VAT1L: variants seen among roughly 807,000 people sequenced by gnomAD.
VAT1L encodes the protein putative NADPH-dependent quinone oxidoreductase VAT1L.
Under a neutral mutation model 44.1 loss-of-function variants are expected in VAT1L, and 34 were observed. The ratio of observed to expected loss-of-function variants is 0.77; its 90% confidence interval spans 0.59 to 1.03. VAT1L has a LOEUF of 1.03. Ranked by LOEUF, VAT1L falls within the 50% of genes least tolerant of loss-of-function variation. The pLI, the probability that VAT1L is intolerant of heterozygous loss-of-function variation, is 0.00. For synonymous variants in VAT1L, 253 were observed against 202.2 expected, an observed-to-expected ratio of 1.25 and a Z score of -2.13; for missense variants, 615 against 538.8, an observed-to-expected ratio of 1.14 and a Z score of -1.40.
At chr16:77,819,941 T>C (rs1475680939) in intron 2 of VAT1L, among the ~76,000 whole-genome samples, 4 of 152,230 alleles carry the variant, frequency 2.6e-5, no homozygotes, top group Admixed American at 1.3e-4. Context: ...GTTAAGTGCG[T>C]TGGGTGTGTA....
chr16:77,891,619 A>G (rs1420916556), intron 7 of VAT1L, among the ~76,000 whole-genome samples: 2 of 152,162 alleles, frequency 1.3e-5, no homozygotes, highest in Non-Finnish European at 2.9e-5. Flanking sequence ...TTTTACCTCC[A>G]TGTTAATGAC....
intron 3 of VAT1L, among the ~76,000 whole-genome samples, chr16:77,841,183 C>G (rs902869914): frequency 1.3e-5 from 2 of 152,182 alleles, no homozygotes; most frequent in African/African-American, 4.8e-5. Context: ...TGGGCTCAAA[C>G]AATCCTCCCA....
intron 7 of VAT1L, among the ~76,000 whole-genome samples, chr16:77,963,563 C>T (rs1405097111): frequency 6.6e-6 from 1 of 151,966 alleles, no homozygotes; most frequent in Non-Finnish European, 1.5e-5. Flanking sequence ...TGTTGGTGGT[C>T]ATCTGTTACA....
chr16:77,794,939 T>C (rs1460126743), intron 1 of VAT1L, among the ~76,000 whole-genome samples: 1 of 152,198 alleles, frequency 6.6e-6, no homozygotes, highest in East Asian at 1.9e-4. Flanking sequence ...CAATATCCGC[T>C]CTTTATCCAA....
chr16:77,873,002 C>A (rs960985544), intron 4 of VAT1L, among the ~76,000 whole-genome samples: 1 of 152,206 alleles, frequency 6.6e-6, no homozygotes, highest in Non-Finnish European at 1.5e-5. Flanking sequence ...GATGTTTGAT[C>A]TAGGCCAAAC....
At chr16:77,930,524 A>T (rs1245331629) in intron 7 of VAT1L, among the ~76,000 whole-genome samples, 1 of 152,122 alleles carries the variant, frequency 6.6e-6, no homozygotes, top group African/African-American at 2.4e-5. Context: ...ATCAAACTCA[A>T]AGAGACTCTC....
At chr16:77,916,731 C>G (rs887603244) in intron 7 of VAT1L, among the ~76,000 whole-genome samples, 1 of 151,656 alleles carries the variant, frequency 6.6e-6, no homozygotes, top group African/African-American at 2.4e-5. Context: ...ATGCTGGAAT[C>G]GTCTTTTGTC....
intron 6 of VAT1L, among the ~76,000 whole-genome samples, chr16:77,880,591 ATTTTTTT>A (rs55995217): frequency 3.7e-5 from 2 of 54,260 alleles, no homozygotes; most frequent in Admixed American, 3.4e-4. Flanking sequence ...GTTCCAGGGT[ATTTTTTT>A]TTTTTTTTTT....
chr16:77,848,387 G>C (rs1476580394), intron 3 of VAT1L, among the ~76,000 whole-genome samples: 1 of 152,184 alleles, frequency 6.6e-6, no homozygotes, highest in Admixed American at 6.5e-5. Flanking sequence ...CTCCAGAGCT[G>C]TGTTTTCAAT....
chr16:77,830,017 G>A (rs1333516842), intron 3 of VAT1L, among the ~76,000 whole-genome samples: 1 of 152,120 alleles, frequency 6.6e-6, no homozygotes, highest in Non-Finnish European at 1.5e-5. Context: ...CCCATTTGAT[G>A]CTGTCACTGG....
At chr16:77,935,959 T>G (rs4888698) in intron 7 of VAT1L, among the ~76,000 whole-genome samples, 5,306 of 152,278 alleles carry the variant, frequency 0.035, 239 homozygotes, top group East Asian at 0.18. Context: ...ACTCACTTCA[T>G]TCTCCAGAGC....
intron 7 of VAT1L, among the ~76,000 whole-genome samples, chr16:77,909,193 G>C (rs923175858): frequency 6.6e-6 from 1 of 152,100 alleles, no homozygotes; most frequent in African/African-American, 2.4e-5. Context: ...GAGTAAAGTC[G>C]CTTGCCTGAA....
chr16:77,945,946 C>T (rs970852820), intron 7 of VAT1L, among the ~76,000 whole-genome samples: 4 of 151,996 alleles, frequency 2.6e-5, no homozygotes, highest in Admixed American at 1.3e-4. Context: ...GGATTACAGG[C>T]GCATGCCACC....
At chr16:77,858,801 C>A (rs1026571484) in intron 3 of VAT1L, among the ~76,000 whole-genome samples, 2 of 151,984 alleles carry the variant, frequency 1.3e-5, no homozygotes, top group Non-Finnish European at 2.9e-5. Flanking sequence ...GAATTCTAGA[C>A]CAGCCTGGGT....
At chr16:77,841,367 G>A (rs1473263242) in intron 3 of VAT1L, among the ~76,000 whole-genome samples, 2 of 152,226 alleles carry the variant, frequency 1.3e-5, no homozygotes, top group Non-Finnish European at 2.9e-5. Flanking sequence ...ACAGGCATGA[G>A]CCGCCACACC....
chr16:77,863,009 A>C, intron 4 of VAT1L, 119 bp downstream of exon 4: 2 of 1,274,960 alleles, frequency 1.6e-6, no homozygotes, highest in Non-Finnish European at 2.1e-6. Flanking sequence ...TTGGGGGCTT[A>C]GTATTATTAG....
At chr16:77,945,780 TTTC>T (rs1430573180) in intron 7 of VAT1L, among the ~76,000 whole-genome samples, 1 of 151,220 alleles carries the variant, frequency 6.6e-6, no homozygotes, top group Non-Finnish European at 1.5e-5. Flanking sequence ...TTTGTTTTGT[TTTC>T]TTTAGTGGCT....
chr16:77,945,411 T>C (rs1244806587), intron 7 of VAT1L, among the ~76,000 whole-genome samples: 1 of 150,440 alleles, frequency 6.6e-6, no homozygotes, highest in Non-Finnish European at 1.5e-5. Context: ...CTCAGTCTCC[T>C]GAGTAACTGC....
At chr16:77,788,942 T>C (rs1315977147) in intron 1 of VAT1L, 27 bp downstream of exon 1, 1 of 1,449,166 alleles carries the variant, frequency 6.9e-7, no homozygotes. Context: ...TTTCTCGCTT[T>C]CTCTCTTTTT....
Sources: gnomAD v4.1 joint callset for allele counts (sites outside exome capture counted in the v4.1 genomes callset) on GRCh38, gnomAD v4.1.1 for gene constraint, MANE v1.5 for transcripts, NCBI Gene and HGNC (gene_info 2026-07-23, HGNC 2026-07-21) for gene names.